The following DDHD1 variants were observed in gnomAD, a reference collection of about 807,000 sequenced individuals.
DDHD1 encodes DDHD domain containing 1, also known as phospholipase DDHD1.
In DDHD1, 49 loss-of-function variants were observed where a neutral mutation model predicts 96.4. That is an observed-to-expected ratio of 0.51 (90% confidence interval 0.40 to 0.64). The LOEUF (loss-of-function observed/expected upper bound fraction) is 0.64. Ranked by LOEUF, DDHD1 falls within the 30% of genes least tolerant of loss-of-function variation. DDHD1 has a pLI of 0.00. For missense variants in DDHD1, 1,106 were observed against 1,161.2 expected (o/e 0.95, Z 0.69); for synonymous variants, 442 against 446.5 (o/e 0.99, Z 0.13).
chr14:53,104,234 C>T (rs1197744655), intron 1 of DDHD1, among the ~76,000 whole-genome samples: 4 of 152,140 alleles, frequency 2.6e-5, no homozygotes, highest in African/African-American at 4.8e-5. Flanking sequence ...TGAGCTGCTG[C>T]GCCTGGCCCA....
intron 1 of DDHD1, among the ~76,000 whole-genome samples, chr14:53,148,832 G>A (rs1243564418): frequency 1.3e-5 from 2 of 152,148 alleles, no homozygotes; most frequent in African/African-American, 4.8e-5. Flanking sequence ...TAAAAATAAG[G>A]TGTATAGTTT....
chr14:53,084,156 G>A (rs1885727871), intron 4 of DDHD1, among the ~76,000 whole-genome samples: 1 of 152,152 alleles, frequency 6.6e-6, no homozygotes, highest in East Asian at 1.9e-4. Context: ...TGGAAAAAAG[G>A]ACTTATTCTT....
In DDHD1 at chr14:53,055,755, C is replaced by T. The variant is rs779641207; in HGVS notation, c.2150G>A (p.Gly717Asp). 1.2e-6 allele frequency: 2 copies of T among 1,613,908 alleles called. No homozygotes were observed. Among genetic ancestry groups the T allele is most frequent in the African/African-American group, 1.3e-5 (1 of 74,878 alleles). The change falls in exon 10 of 13, where the codon GGC becomes GAC. Residue 717 changes from glycine to aspartate, a missense_variant. Physicochemically the swap from Gly to Asp is moderately conservative, Grantham distance 94 (BLOSUM62 -1). Coordinates refer to ENST00000673822, the MANE Select transcript of DDHD1 (RefSeq NM_001160148.2). ...KEPTSVSENEGISTIPSPVTS... is the reference protein window; with the variant it reads ...KEPTSVSENEDISTIPSPVTS... ...CACAGGGCTTGGTATGGTTGAAATG[C>T]CTTCATTCTCTGAAACTGAGGTAGG...
At chr14:53,124,786 C>T (rs908420032) in intron 1 of DDHD1, among the ~76,000 whole-genome samples, 2 of 152,182 alleles carry the variant, frequency 1.3e-5, no homozygotes, top group African/African-American at 4.8e-5. Flanking sequence ...TATTAGTTAG[C>T]TAGGGCTGCT....
intron 4 of DDHD1, among the ~76,000 whole-genome samples, chr14:53,074,214 C>T (rs1414731772): frequency 6.6e-6 from 1 of 151,792 alleles, no homozygotes; most frequent in South Asian, 2.1e-4. Context: ...TCTCTTCATC[C>T]TTTCCATAAT....
chr14:53,102,934 C>T (rs907827308), intron 2 of DDHD1: 3 of 1,228,132 alleles, frequency 2.4e-6, no homozygotes, highest in African/African-American at 3.1e-5. Flanking sequence ...GCCAAGAAAC[C>T]TCCCAAATAA....
chr14:53,061,402 G>A (rs112374837), intron 7 of DDHD1: 8 of 439,660 alleles, frequency 1.8e-5, no homozygotes, highest in South Asian at 5.4e-5. Flanking sequence ...GTAAAGTACC[G>A]CTAGTTGTCA....
chr14:53,093,437 A>G lies in DDHD1; in HGVS notation c.1020T>C (p.His340=). ...SKSIDGKDAV[H]SFKLSRNHVD... is the part of the protein sequence containing the mutation. ...CATGGTTTCGACTCAACTTGAAACT[A>G]TGAACAGCTATTGCAAAAAGGAAAA... The change falls in exon 3 of 13, where the codon CAT becomes CAC. Residue 340 remains histidine, a synonymous_variant. Coordinates refer to ENST00000673822, the MANE Select transcript of DDHD1 (RefSeq NM_001160148.2). 1.2e-6 allele frequency: 2 copies of G among 1,609,564 alleles called. No individual in the cohort carries two copies. The highest frequency in any genetic ancestry group is 1.7e-6 in the Non-Finnish European group (2 of 1,178,732).
chr14:53,070,414 C>A (rs537102523), intron 6 of DDHD1, among the ~76,000 whole-genome samples: 1 of 152,298 alleles, frequency 6.6e-6, no homozygotes, highest in South Asian at 2.1e-4. Flanking sequence ...CATAACAAAT[C>A]ATTTCAAGAC....
chr14:53,054,720 A>C lies in DDHD1; in HGVS notation c.2246-91T>G, dbSNP rs1300791386. On this transcript the variant is annotated intron_variant, in intron 10 of 12. Coordinates refer to ENST00000673822, the MANE Select transcript of DDHD1 (RefSeq NM_001160148.2). ...ACCCATAATTATAGCCAACTGGCAG[A>C]GGGACCAAACCCTAGTCATGTTTTT... 4 of 1,287,754 alleles carry C rather than the reference A, an allele frequency of 3.1e-6. No individual in the cohort carries two copies. In the African/African-American group the frequency reaches 5.9e-5, roughly 19 times the overall value. The allele number at this position is 1,287,754 out of a possible 1,614,324, so 79.8% of individuals were successfully genotyped here. A position where few individuals can be genotyped will look rare whatever the true frequency, so the allele number is the denominator to read the frequency against.
intron 9 of DDHD1, among the ~76,000 whole-genome samples, chr14:53,057,906 G>A (rs891174830): frequency 2.0e-5 from 3 of 152,210 alleles, no homozygotes; most frequent in African/African-American, 7.2e-5. Context: ...CTGGAGTGCA[G>A]TGGCACAATC....
chr14:53,116,040 G>T (rs1888517575), intron 1 of DDHD1, among the ~76,000 whole-genome samples: 1 of 152,018 alleles, frequency 6.6e-6, no homozygotes, highest in Admixed American at 6.6e-5. Context: ...CATTTACCAA[G>T]CAAATGCAAT....
Position 53,153,323 on chromosome 14 carries a change from T to C in DDHD1, c.-225A>G, listed in dbSNP as rs868587033. ...TTGTCACGCAGCCCGACGTAGGCGGTGCTTCGGCCCCCGCCCCGCCCCCCG... is the reference window on the plus strand; with the variant it reads ...TTGTCACGCAGCCCGACGTAGGCGGCGCTTCGGCCCCCGCCCCGCCCCCCG... On this transcript the variant is annotated 5_prime_UTR_variant, in exon 1 of 13. Coordinates refer to ENST00000673822, the MANE Select transcript of DDHD1 (RefSeq NM_001160148.2). The C allele has an allele frequency of 3.6e-5, 13 of 363,128 alleles. No individual in the cohort carries two copies. The Middle Eastern group carries it at 2.9e-3, about 82-fold the overall frequency. 22.5% of individuals were successfully genotyped at this position (363,128 alleles called of 1,614,324 possible).
chr14:53,111,672 A>C (rs1876671884), intron 1 of DDHD1, among the ~76,000 whole-genome samples: 1 of 152,224 alleles, frequency 6.6e-6, no homozygotes. Context: ...CAGCAAATTA[A>C]GAATTTTTCA....
chr14:53,082,088 G>C (rs1385114589), intron 4 of DDHD1, among the ~76,000 whole-genome samples: 1 of 152,156 alleles, frequency 6.6e-6, no homozygotes. Context: ...AAAAAGGAAT[G>C]ATTAAACAAT....
intron 4 of DDHD1, among the ~76,000 whole-genome samples, chr14:53,078,214 T>C (rs1175470453): frequency 1.3e-5 from 2 of 152,188 alleles, no homozygotes; most frequent in Non-Finnish European, 2.9e-5. Context: ...CCAAAGCAGC[T>C]GTACTATTTT....
chr14:53,054,754 G>C (rs1882894804), intron 10 of DDHD1, 125 bp from the exon 11 acceptor site: 11 of 800,156 alleles, frequency 1.4e-5, no homozygotes, highest in Non-Finnish European at 2.1e-5. Flanking sequence ...TTCCAGGGTG[G>C]GAACATAAGA....
chr14:53,153,041 C>A lies in DDHD1; in HGVS notation c.58G>T (p.Gly20Cys). Residue 20 changes from glycine (G) to cysteine (C), a missense_variant, in exon 1 of 13, where the codon GGC becomes TGC. Around this residue, in one of 2 missense-constraint regions of DDHD1, gnomAD observed 456 missense variants for 402.4 expected, o/e 1.13. Transcript: ENST00000673822. ...GAGCCCAGCTCCCAGGCGCCGCCGC[C>A]GCCGCCTCGGCCGTTATGCTCGGGG... ...RSPEHNGRGG[G>C]GGAWELGSDA... 6.7e-7 allele frequency: 1 copy of A among 1,496,190 alleles called. No homozygotes were observed. Among genetic ancestry groups the A allele is most frequent in the Non-Finnish European group, 8.9e-7 (1 of 1,128,956 alleles). The allele number at this position is 1,496,190 out of a possible 1,614,324, so 92.7% of individuals were successfully genotyped here.
intron 1 of DDHD1, among the ~76,000 whole-genome samples, chr14:53,121,794 C>T (rs977736501): frequency 6.6e-6 from 1 of 151,932 alleles, no homozygotes; most frequent in Non-Finnish European, 1.5e-5. Context: ...GGGAGACCAT[C>T]AGGATAAATA....
Sources: gnomAD v4.1 joint callset for allele counts (sites outside exome capture counted in the v4.1 genomes callset) on GRCh38, gnomAD v4.1.1 for gene constraint, gnomAD v4.1.1 regional missense constraint, MANE v1.5 for transcripts, NCBI Gene and HGNC (gene_info 2026-07-23, HGNC 2026-07-21) for gene names.